The following ADGRL2 variants were observed in gnomAD, a reference collection of about 807,000 sequenced individuals.
The protein encoded by ADGRL2 is calcium-independent alpha-latrotoxin receptor 2.
Under a neutral mutation model 157.4 loss-of-function variants are expected in ADGRL2, and 44 were observed. That is an observed-to-expected ratio of 0.28 (90% confidence interval 0.22 to 0.36). The LOEUF is 0.36. ADGRL2 is among the 10% of genes least tolerant of loss of function. The pLI is 1.00. For missense variants in ADGRL2, 1,510 were observed against 1,768.9 expected (o/e 0.85, Z 2.63); for synonymous variants, 585 against 624.7 (o/e 0.94, Z 0.95).
At chr1:81,604,759 C>T (rs2081400113) in intron 3 of ADGRL2, among the ~76,000 whole-genome samples, 1 of 152,056 alleles carries the variant, frequency 6.6e-6, no homozygotes, top group South Asian at 2.1e-4. Context: ...ATCAAGAACA[C>T]AGCACATTAG....
At chr1:81,796,007 G>A (rs1174425789), upstream of ADGRL2, among the ~76,000 whole-genome samples, 6 of 152,034 alleles carry the variant, frequency 3.9e-5, no homozygotes, top group South Asian at 2.1e-4. Flanking sequence ...TTTTTGAGAC[G>A]GAGTCTCACT....
intron 1 of ADGRL2, chr1:81,734,983 G>A (rs1250268135): frequency 4.3e-5 from 6 of 139,518 alleles, no homozygotes; most frequent in African/African-American, 7.8e-5. Flanking sequence ...GCAATGAGCC[G>A]AGATCACACC....
At chr1:81,706,229 A>G (rs2083730964) in intron 1 of ADGRL2, among the ~76,000 whole-genome samples, 1 of 127,236 alleles carries the variant, frequency 7.9e-6, no homozygotes, top group African/African-American at 3.1e-5. Context: ...AAACAAAAAA[A>G]TAAAAAAATT....
intron 3 of ADGRL2, among the ~76,000 whole-genome samples, chr1:81,926,282 T>G (rs2148683869): frequency 6.6e-6 from 1 of 152,108 alleles, no homozygotes; most frequent in Admixed American, 6.5e-5. Flanking sequence ...ATTAAATATT[T>G]AGAAACCAAA....
intron 1 of ADGRL2, among the ~76,000 whole-genome samples, chr1:81,804,373 T>A (rs2088794241): frequency 6.6e-6 from 1 of 152,226 alleles, no homozygotes; most frequent in Admixed American, 6.5e-5. Context: ...CTGCACAAAT[T>A]GTTTGAATTA....
intron 1 of ADGRL2, among the ~76,000 whole-genome samples, chr1:81,726,214 T>G (rs1225903111): frequency 2.0e-5 from 3 of 152,072 alleles, no homozygotes; most frequent in Middle Eastern, 3.2e-3. Context: ...CATGAGAACT[T>G]CTCTCTCACA....
At chr1:81,723,674 A>G (rs2084413884) in intron 1 of ADGRL2, among the ~76,000 whole-genome samples, 1 of 152,166 alleles carries the variant, frequency 6.6e-6, no homozygotes, top group African/African-American at 2.4e-5. Context: ...TTAAATATTT[A>G]TTTCAATAAA....
intron 2 of ADGRL2, among the ~76,000 whole-genome samples, chr1:81,539,560 A>G (rs963313654): frequency 2.0e-5 from 3 of 152,174 alleles, no homozygotes; most frequent in Admixed American, 1.3e-4. Flanking sequence ...TTTAGGTACC[A>G]AATCATATGG....
intron 1 of ADGRL2, among the ~76,000 whole-genome samples, chr1:81,397,206 C>T (rs760858947): frequency 5.9e-5 from 9 of 151,624 alleles, no homozygotes; most frequent in East Asian, 3.9e-4. Flanking sequence ...TGTATGTGTC[C>T]GGGAATTTAT....
chr1:81,772,526 C>T (rs1483313905), intron 2 of ADGRL2, among the ~76,000 whole-genome samples: 1 of 151,710 alleles, frequency 6.6e-6, no homozygotes, highest in Middle Eastern at 3.4e-3. Context: ...GTCAGGAGTT[C>T]GAGACCAGCC....
chr1:81,578,675 T>A (rs540766333), intron 2 of ADGRL2, among the ~76,000 whole-genome samples: 116 of 152,176 alleles, frequency 7.6e-4, no homozygotes, highest in African/African-American at 2.0e-3. Flanking sequence ...TTTAAAAAAA[T>A]TTTTTTGAGC....
chr1:81,437,602 G>T (rs576202141), intron 1 of ADGRL2, among the ~76,000 whole-genome samples: 1 of 152,192 alleles, frequency 6.6e-6, no homozygotes, highest in East Asian at 1.9e-4. Context: ...CCATTTCTTT[G>T]ATAATTGCCC....
intron 1 of ADGRL2, among the ~76,000 whole-genome samples, chr1:81,358,455 G>A (rs1159258897): frequency 6.6e-6 from 1 of 152,126 alleles, no homozygotes. Context: ...GATTTTTGCT[G>A]TATTAAATTC....
chr1:81,522,156 G>T (rs552977054), intron 2 of ADGRL2, among the ~76,000 whole-genome samples: 3 of 151,890 alleles, frequency 2.0e-5, no homozygotes, highest in African/African-American at 7.3e-5. Flanking sequence ...GTAGAGATGG[G>T]TTTTCGCCAT....
intron 1 of ADGRL2, among the ~76,000 whole-genome samples, chr1:81,431,398 C>T (rs144485741): frequency 3.8e-4 from 58 of 152,208 alleles, no homozygotes; most frequent in Middle Eastern, 3.4e-3. Context: ...TGAACCATGC[C>T]AGGAAACAAG....
intron 2 of ADGRL2, among the ~76,000 whole-genome samples, chr1:81,465,247 T>C (rs536156763): frequency 7.9e-5 from 12 of 152,320 alleles, no homozygotes; most frequent in Admixed American, 2.0e-4. Flanking sequence ...TGTCAACTCA[T>C]TGACAATTAT....
intron 4 of ADGRL2, among the ~76,000 whole-genome samples, chr1:81,939,012 TTTA>T (rs1357257865): frequency 2.0e-5 from 3 of 151,546 alleles, no homozygotes; most frequent in African/African-American, 7.2e-5. Context: ...TCAGATAACA[TTTA>T]TTATGTGTTT....
intron 2 of ADGRL2, among the ~76,000 whole-genome samples, chr1:81,767,831 C>T (rs781534827): frequency 3.6e-5 from 5 of 137,670 alleles, no homozygotes; most frequent in Non-Finnish European, 7.6e-5. Context: ...TAACTTTAGC[C>T]TGGAGGAAGT....
At chr1:81,481,549 G>A (rs11163305) in intron 2 of ADGRL2, among the ~76,000 whole-genome samples, 106,306 of 152,074 alleles carry the variant, frequency 0.7, 38,100 homozygotes, top group Non-Finnish European at 0.77. Flanking sequence ...TGCTCTCCCT[G>A]ATTTGGGGGA....
Sources: gnomAD v4.1 joint callset for allele counts (sites outside exome capture counted in the v4.1 genomes callset) on GRCh38, gnomAD v4.1.1 for gene constraint, MANE v1.5 for transcripts, NCBI Gene and HGNC (gene_info 2026-07-23, HGNC 2026-07-21) for gene names.